Variants in SPRY3 observed in about 807,000 individuals in gnomAD.
SPRY3 encodes the protein protein sprouty homolog 3.
Under a neutral mutation model 20.2 loss-of-function variants are expected in SPRY3, and 15 were observed. The observed-to-expected ratio is 0.74, with a 90% CI of 0.50 to 1.14. The LOEUF is 1.14. Among genes scored for constraint, SPRY3 ranks in the 50% most tolerant of loss-of-function variants. The pLI, the probability that SPRY3 is intolerant of heterozygous loss-of-function variation, is 0.00. For synonymous variants in SPRY3, 143 were observed against 136.5 expected (o/e 1.05, Z -0.33); for missense variants, 364 against 363.9 (o/e 1.00, Z 0.00).
chrX:155,671,293 ATCTC>A (rs782580977), intron 2 of SPRY3, among the ~76,000 whole-genome samples: 4 of 109,382 alleles, frequency 3.7e-5, no homozygotes, highest in Admixed American at 1.9e-4. Flanking sequence ...CATTTTTTTA[ATCTC>A]TCTCTCTCTC....
rs2091410025 is a variant in SPRY3, at chrX:155,774,592, A to AC, written c.724dup (p.Arg242ProfsTer12). 6.2e-7 allele frequency: 1 copy of AC among 1,613,714 alleles called. No individual in the cohort carries two copies. Among genetic ancestry groups the AC allele is most frequent in the African/African-American group, 1.3e-5 (1 of 74,876 alleles). On this transcript the variant is annotated frameshift_variant, in exon 4 of 4. Transcript: ENST00000675360. LOFTEE classifies it high-confidence loss of function. ...ACCCTGCCTGTGCTGCTACCTGCCT[A>AC]CCCGTGGATGCCTCCATCTGTGCCA...
intron 2 of SPRY3, among the ~76,000 whole-genome samples, chrX:155,707,763 G>A (rs2090961513): frequency 1.3e-5 from 2 of 151,000 alleles, no homozygotes; most frequent in African/African-American, 4.8e-5. Context: ...AACATGCATG[G>A]TATGTATTTT....
At chrX:155,730,652 T>A (rs2091127072) in intron 2 of SPRY3, among the ~76,000 whole-genome samples, 1 of 152,072 alleles carries the variant, frequency 6.6e-6, no homozygotes, top group Non-Finnish European at 1.5e-5. Flanking sequence ...GCATTAGAAG[T>A]CCTAGCTAGA....
At chrX:155,668,291 G>T (rs1557354486) in intron 2 of SPRY3, among the ~76,000 whole-genome samples, 1 of 111,027 alleles carries the variant, frequency 9.0e-6, no homozygotes, top group African/African-American at 3.3e-5. Flanking sequence ...ATTACACTGA[G>T]TGAAAAAGTA....
chrX:155,767,621 G>C (rs1169951239), intron 2 of SPRY3, among the ~76,000 whole-genome samples: 4 of 146,824 alleles, frequency 2.7e-5, no homozygotes, highest in Non-Finnish European at 6.0e-5. Context: ...AGGAGGGGAA[G>C]GAAAATACTG....
chrX:155,773,953 G>A (rs746591994), exon 4 of SPRY3: 13 of 1,613,836 alleles, frequency 8.1e-6, no homozygotes, highest in Middle Eastern at 1.6e-4. Context: ...CAATGACTAC[G>A]TGGAACGGCC....
chrX:155,661,414 A>T (rs1269584443), intron 2 of SPRY3, among the ~76,000 whole-genome samples: 5 of 110,536 alleles, frequency 4.5e-5, no homozygotes, highest in African/African-American at 1.6e-4. Context: ...GTCTGATGGG[A>T]TTTCCTTCAT....
At chrX:155,649,704 C>T (rs954533622) in intron 1 of SPRY3, among the ~76,000 whole-genome samples, 4 of 111,186 alleles carry the variant, frequency 3.6e-5, no homozygotes, top group African/African-American at 6.5e-5. Flanking sequence ...CTTTGAAAAT[C>T]GGCACAAGAC....
chrX:155,764,535 C>A (rs1294336589), intron 2 of SPRY3, among the ~76,000 whole-genome samples: 1 of 152,150 alleles, frequency 6.6e-6, no homozygotes, highest in African/African-American at 2.4e-5. Flanking sequence ...AATTGGTTAT[C>A]CATTCATTCA....
At chrX:155,632,033 T>G in intron 1 of SPRY3, among the ~76,000 whole-genome samples, 1 of 111,896 alleles carries the variant, frequency 8.9e-6, no homozygotes, top group Non-Finnish European at 1.9e-5. Flanking sequence ...TGCATTAGCT[T>G]GTACAGAAGG....
intron 2 of SPRY3, among the ~76,000 whole-genome samples, chrX:155,662,479 C>T (rs1557353805): frequency 9.1e-6 from 1 of 110,238 alleles, no homozygotes; most frequent in African/African-American, 3.3e-5. Flanking sequence ...ATTTTGTCAA[C>T]AGGCATTGTA....
At chrX:155,663,953 AT>A in intron 2 of SPRY3, among the ~76,000 whole-genome samples, 1 of 110,824 alleles carries the variant, frequency 9.0e-6, no homozygotes, top group East Asian at 2.8e-4. Context: ...CATAGCTACT[AT>A]TTTTTTAATT....
intron 2 of SPRY3, among the ~76,000 whole-genome samples, chrX:155,689,711 T>C (rs955885802): frequency 1.2e-5 from 1 of 86,699 alleles, no homozygotes. Context: ...TCTCTCCTTT[T>C]TTTCTTTCTT....
rs1241882440 is a variant in SPRY3 at position 155,767,252 on chromosome X, A to G, written c.-281-710A>G. ...GGGAGGGGGGAGAGAAAGAAATTAT[A>G]ACGAGGAGCAATAAATCCCTTCTTT... is the stretch of plus-strand genomic sequence containing the variant. On this transcript the variant is annotated intron_variant, in intron 2 of 3. Coordinates refer to ENST00000675360, the Ensembl canonical transcript of SPRY3. Among the ~76,000 whole-genome samples the G allele has an allele frequency of 2.6e-5, 4 of 151,708 alleles. No individual in the cohort carries two copies. The South Asian group carries it at 6.3e-4, about 24-fold the overall frequency.
chrX:155,614,415 A>G (rs1444330246), intron 1 of SPRY3, among the ~76,000 whole-genome samples: 3 of 112,319 alleles, frequency 2.7e-5, no homozygotes, highest in African/African-American at 9.7e-5. Context: ...ACAGGTTGAT[A>G]GACAATACCT....
chrX:155,613,190 C>T (rs1354524985), intron 1 of SPRY3, among the ~76,000 whole-genome samples: 1 of 112,290 alleles, frequency 8.9e-6, no homozygotes, highest in Non-Finnish European at 1.9e-5. Flanking sequence ...CGAGTCCTCC[C>T]ACTACGCTTC....
chrX:155,769,501 G>A (rs768754527), intron 3 of SPRY3, among the ~76,000 whole-genome samples: 4 of 151,708 alleles, frequency 2.6e-5, no homozygotes, highest in Admixed American at 2.6e-4. Context: ...ATTAGGACTA[G>A]ACCTTAAATT....
chrX:155,722,937 C>T (rs2091070235), intron 2 of SPRY3, among the ~76,000 whole-genome samples: 1 of 151,466 alleles, frequency 6.6e-6, no homozygotes, highest in South Asian at 2.1e-4. Flanking sequence ...CCCCCAGCCC[C>T]CCACCCCCTG....
chrX:155,620,137 A>AAGTTAAACACACTTTATAAGATTCTT (rs1318658180), intron 1 of SPRY3, among the ~76,000 whole-genome samples: 28 of 111,815 alleles, frequency 2.5e-4, no homozygotes, highest in Non-Finnish European at 4.7e-4. Context: ...GATTCTTATA[A>AAGTTAAACACACTTTATAAGATTCTT]AGTTAAACAC....
Sources: allele counts gnomAD v4.1 joint callset (sites outside exome capture counted in the v4.1 genomes callset), GRCh38; gene constraint gnomAD v4.1.1; transcripts MANE v1.5; gene names NCBI Gene and HGNC (gene_info 2026-07-23, HGNC 2026-07-21).